Variants in CZIB observed in about 807,000 individuals in gnomAD.
CZIB encodes the protein CXXC motif containing zinc binding protein, also known as UPF0587 protein C1orf123.
In CZIB, 26 loss-of-function variants were observed where a neutral mutation model predicts 28.3. The ratio of observed to expected loss-of-function variants is 0.92; its 90% CI spans 0.67 to 1.27. The LOEUF is 1.27. Ranked by LOEUF, CZIB falls within the 50% of genes most tolerant of loss-of-function variation. CZIB has a pLI of 0.00. For synonymous variants in CZIB, 78 were observed against 71.1 expected, an observed-to-expected ratio of 1.10 and a Z score of -0.49; for missense variants, 179 against 197.3, an observed-to-expected ratio of 0.91 and a Z score of 0.56.
chr1:53,215,185 C>CA (rs1239836711), intron 7 of CZIB, among the ~76,000 whole-genome samples: 3 of 152,042 alleles, frequency 2.0e-5, no homozygotes, highest in African/African-American at 7.2e-5. Context: ...ACTAAAAATA[C>CA]AAAAAATAGC....
intron 7 of CZIB, 31 bp from the exon 8 acceptor site, chr1:53,214,767 C>T (rs777312987): frequency 6.3e-7 from 1 of 1,593,126 alleles, no homozygotes. Flanking sequence ...GTTAGCCTCA[C>T]AACGCAGAAT....
At chr1:53,219,112 T>C (rs1645495157) in intron 2 of CZIB, 189 bp from the exon 3 acceptor site, 1 of 610,932 alleles carries the variant, frequency 1.6e-6, no homozygotes, top group East Asian at 2.8e-5. Flanking sequence ...GGTAAGGCTG[T>C]TTCCTATGCC....
chr1:53,214,424 T>A lies in CZIB; in HGVS notation c.*235A>T. Reference sequence around the variant, plus strand: ...GAGTGAACTGCTGCTGCACGAATTCTTATTTGTGGAGGGAGTAGCTGCCTC... The same window carrying A: ...GAGTGAACTGCTGCTGCACGAATTCATATTTGTGGAGGGAGTAGCTGCCTC... On this transcript the variant is annotated 3_prime_UTR_variant, in exon 8 of 8. Transcript: ENST00000294360. 1 of 494,206 alleles carries A rather than the reference T, an allele frequency of 2.0e-6. No individual in the cohort carries two copies. Among genetic ancestry groups the A allele is most frequent in the Non-Finnish European group, 3.6e-6 (1 of 275,550 alleles). The allele number at this position is 494,206 out of a possible 1,614,324, so 30.6% of individuals were successfully genotyped here. A position where few individuals can be genotyped will look rare whatever the true frequency, so the allele number is the denominator to read the frequency against.
rs769681882 is a variant in CZIB at position 53,216,051 on chromosome 1, C to T, written c.345G>A (p.Gly115=). 2 of 1,614,124 alleles carry T rather than the reference C, an allele frequency of 1.2e-6. No homozygotes were observed. Among genetic ancestry groups the T allele is most frequent in the Non-Finnish European group, 8.5e-7 (1 of 1,179,982 alleles). ...CTGACTCCACACCTTCAGCAGCAAA[C>T]CCAGCCTGCAGGGCACAAGAAGGTA... The part of the protein sequence containing the change: ...LEPVDFQPQA[G]FAAEGVESGT... The change falls in exon 7 of 8, where the codon GGG becomes GGA. Residue 115 remains glycine (G), a synonymous_variant. Coordinates refer to ENST00000294360, the MANE Select transcript of CZIB (RefSeq NM_017887.3).
At chr1:53,220,109 T>C (rs1645509421) in intron 2 of CZIB, 152 bp downstream of exon 2, 1 of 671,324 alleles carries the variant, frequency 1.5e-6, no homozygotes, top group Admixed American at 3.0e-5. Context: ...CAATACACTT[T>C]AATAGAAAGC....
At chr1:53,218,774 G>A in intron 3 of CZIB, 93 bp downstream of exon 3, 2 of 1,292,572 alleles carry the variant, frequency 1.5e-6, no homozygotes, top group Non-Finnish European at 2.2e-6. Context: ...GCAAAGAACT[G>A]GAGAGATGAA....
In CZIB at chr1:53,219,118, A is replaced by G. The variant is rs988381654; in HGVS notation, c.91-195T>C. ...CAAAGGATAGGTAAGGCTGTTTCCTATGCCGGCGTGCCCACCCTCCTCTAT... is the reference window on the plus strand; with the variant it reads ...CAAAGGATAGGTAAGGCTGTTTCCTGTGCCGGCGTGCCCACCCTCCTCTAT... On this transcript the variant is annotated intron_variant, in intron 2 of 7. Transcript: ENST00000294360. 22 of 598,582 alleles carry G rather than the reference A, an allele frequency of 3.7e-5. No individual in the cohort carries two copies. In the South Asian group the frequency reaches 4.1e-4, roughly 11 times the overall value. The allele number at this position is 598,582 out of a possible 1,614,324, so 37.1% of individuals were successfully genotyped here.
chr1:53,215,201 ATGGTGGC>A (rs1292887651), intron 7 of CZIB, among the ~76,000 whole-genome samples: 6 of 152,014 alleles, frequency 3.9e-5, no homozygotes, highest in Non-Finnish European at 8.8e-5. Flanking sequence ...ATAGCCAGGA[ATGGTGGC>A]AGGCGCCTGT....
intron 6 of CZIB, among the ~76,000 whole-genome samples, chr1:53,216,477 T>G (rs1293512441): frequency 1.3e-5 from 2 of 152,226 alleles, no homozygotes; most frequent in Middle Eastern, 3.4e-3. Context: ...TAGATCTGGG[T>G]TGAAACTATA....
chr1:53,219,580 C>T (rs1312568893), intron 2 of CZIB: 2 of 152,620 alleles, frequency 1.3e-5, no homozygotes, highest in African/African-American at 4.8e-5. Context: ...GCACTTATCA[C>T]TCTATTGTTA....
rs752120922 is a variant in CZIB, at chr1:53,220,241, G to T, written c.90+20C>A. On this transcript the variant is annotated intron_variant, in intron 2 of 7. Coordinates refer to ENST00000294360, the MANE Select transcript of CZIB (RefSeq NM_017887.3). The stretch of plus-strand genomic sequence containing the variant: ...AGATCAGGACGGGCCTCCTCTCCCC[G>T]GGCCCCGCCCCGGCCGCACCTTCAG... The T allele has an allele frequency of 6.2e-7, 1 of 1,609,182 alleles. No individual in the cohort carries two copies. Among genetic ancestry groups the T allele is most frequent in the Admixed American group, 1.7e-5 (1 of 59,928 alleles).
At chr1:53,218,038 AAAG>A in intron 5 of CZIB, 131 bp downstream of exon 5, 3 of 947,844 alleles carry the variant, frequency 3.2e-6, no homozygotes, top group Middle Eastern at 2.2e-4. Context: ...TGACTGAGTC[AAAG>A]AAGAACTAAG....
At position 53,220,426 on chromosome 1, in the gene CZIB, T is replaced by C. The variant is rs551828683; in HGVS notation, c.7-82A>G. On this transcript the variant is annotated intron_variant, in intron 1 of 7. Coordinates refer to ENST00000294360, the MANE Select transcript of CZIB (RefSeq NM_017887.3). ...CCCGACCCTCCCGCATTCCCAGCCG[T>C]GGGTGCCACAGGGAGACACTCCTTC... 29 of 1,580,248 alleles carry C rather than the reference T, an allele frequency of 1.8e-5. No individual in the cohort carries two copies. In the African/African-American group the frequency reaches 3.5e-4, roughly 19 times the overall value.
chr1:53,216,815 G>A lies in CZIB; in HGVS notation c.306C>T (p.Cys102=), dbSNP rs1164300788. The change falls in exon 6 of 8, where the codon TGC becomes TGT. Residue 102 remains cysteine (C), a synonymous_variant. Transcript: ENST00000294360. Reference sequence around the variant, plus strand: ...GGAAATCAACTGGTTCAAGGCCCCGGCACTCAAACTCCACTATTGTCTTGA... The same window carrying A: ...GGAAATCAACTGGTTCAAGGCCCCGACACTCAAACTCCACTATTGTCTTGA... ...ENFKTIVEFE[C]RGLEPVDFQP... 2.0e-5 allele frequency: 33 copies of A among 1,614,040 alleles called. No individual in the cohort carries two copies. The highest frequency in any genetic ancestry group is 2.7e-5 in the African/African-American group (2 of 74,934).
chr1:53,220,418 C>A, intron 1 of CZIB, 74 bp from the exon 2 acceptor site: 1 of 1,583,790 alleles, frequency 6.3e-7, no homozygotes, highest in Non-Finnish European at 8.6e-7. Flanking sequence ...CTCCCGCATT[C>A]CCAGCCGTGG....
At chr1:53,220,419 C>A (rs1489986412) in intron 1 of CZIB, 75 bp from the exon 2 acceptor site, 5 of 1,584,208 alleles carry the variant, frequency 3.2e-6, no homozygotes, top group Non-Finnish European at 4.3e-6. Flanking sequence ...TCCCGCATTC[C>A]CAGCCGTGGG....
At position 53,214,420 on chromosome 1, in the gene CZIB, A is replaced by ATTC. The variant is rs1645454735; in HGVS notation, c.*236_*238dup. On this transcript the variant is annotated 3_prime_UTR_variant, in exon 8 of 8. Transcript: ENST00000294360. Reference sequence around the variant, plus strand: ...TAAGGAGTGAACTGCTGCTGCACGAATTCTTATTTGTGGAGGGAGTAGCTG... The same window carrying ATTC: ...TAAGGAGTGAACTGCTGCTGCACGAATTCTTCTTATTTGTGGAGGGAGTAGCTG... 1.0e-5 allele frequency: 5 copies of ATTC among 490,970 alleles called. No individual in the cohort carries two copies. Among genetic ancestry groups the ATTC allele is most frequent in the Middle Eastern group, 5.4e-4 (1 of 1,852 alleles). 30.4% of individuals were successfully genotyped at this position (490,970 alleles called of 1,614,324 possible).
In CZIB at chr1:53,214,745, C is replaced by A; in HGVS notation, c.406-9G>T. 6.2e-7 allele frequency: 1 copy of A among 1,613,282 alleles called. No individual in the cohort carries two copies. On this transcript the variant is annotated splice_polypyrimidine_tract_variant and intron_variant, in intron 7 of 7. Coordinates refer to ENST00000294360, the MANE Select transcript of CZIB (RefSeq NM_017887.3). The stretch of plus-strand genomic sequence containing the variant: ...TCATAGTCAGTCCAGTCCTGGGAAA[C>A]AAAATGGCATTGTTAGCCTCACAAC...
rs751241039 is a variant in CZIB at position 53,214,212 on chromosome 1, T to G, written c.*447A>C. On this transcript the variant is annotated 3_prime_UTR_variant, in exon 8 of 8. Coordinates refer to ENST00000294360, the MANE Select transcript of CZIB (RefSeq NM_017887.3). ...TTTTGCTTGAAGATGGTTCTTAATTTCTTTTAACCTAATTCCTAATCCTCA... is the reference window on the plus strand; with the variant it reads ...TTTTGCTTGAAGATGGTTCTTAATTGCTTTTAACCTAATTCCTAATCCTCA... 29 of 165,978 alleles carry G rather than the reference T, an allele frequency of 1.7e-4. No homozygotes were observed. The highest frequency in any genetic ancestry group is 3.3e-4 in the Non-Finnish European group (25 of 76,334). The allele number at this position is 165,978 out of a possible 1,614,324, so 10.3% of individuals were successfully genotyped here. A position where few individuals can be genotyped will look rare whatever the true frequency, so the allele number is the denominator to read the frequency against.
Sources: allele counts gnomAD v4.1 joint callset (sites outside exome capture counted in the v4.1 genomes callset), GRCh38; gene constraint gnomAD v4.1.1; transcripts MANE v1.5; gene names NCBI Gene and HGNC (gene_info 2026-07-23, HGNC 2026-07-21).